LRFN2: variants seen among roughly 807,000 people sequenced by gnomAD.
LRFN2 encodes the protein leucine rich repeat and fibronectin type III domain containing 2.
In LRFN2, 18 loss-of-function variants were observed where a neutral mutation model predicts 37.3. The ratio of observed to expected loss-of-function variants is 0.48; its 90% CI spans 0.33 to 0.72. The LOEUF is 0.72. LRFN2 is among the 30% of genes least tolerant of loss of function. The pLI, the probability that LRFN2 is intolerant of heterozygous loss-of-function variation, is 0.02. For missense variants in LRFN2, 1,006 were observed against 1,060.7 expected (o/e 0.95, Z 0.72); for synonymous variants, 556 against 466.6 (o/e 1.19, Z -2.47).
intron 2 of LRFN2, among the ~76,000 whole-genome samples, chr6:40,405,867 C>T (rs1581681052): frequency 1.3e-5 from 2 of 152,178 alleles, no homozygotes; most frequent in South Asian, 2.1e-4. Context: ...ATCTCCCCAG[C>T]GTTAGGCCTT....
intron 1 of LRFN2, among the ~76,000 whole-genome samples, chr6:40,519,107 G>C (rs1330570025): frequency 6.6e-6 from 1 of 152,168 alleles, no homozygotes; most frequent in Non-Finnish European, 1.5e-5. Flanking sequence ...CACTACCTGA[G>C]CCAGACACTG....
At chr6:40,560,964 G>GCC (rs1264973508) in intron 1 of LRFN2, among the ~76,000 whole-genome samples, 2 of 152,290 alleles carry the variant, frequency 1.3e-5, no homozygotes, top group East Asian at 3.9e-4. Flanking sequence ...TCTGTAATTT[G>GCC]ATTCAGCAAA....
intron 1 of LRFN2, among the ~76,000 whole-genome samples, chr6:40,530,630 C>T (rs1766326361): frequency 6.6e-6 from 1 of 151,882 alleles, no homozygotes; most frequent in South Asian, 2.1e-4. Context: ...CCTGGTTCTC[C>T]CCAGGACCCG....
At chr6:40,464,602 T>C (rs1020726343) in intron 1 of LRFN2, among the ~76,000 whole-genome samples, 4 of 152,166 alleles carry the variant, frequency 2.6e-5, no homozygotes, top group South Asian at 2.1e-4. Flanking sequence ...GATGGCAGCA[T>C]AAAAGGACTA....
intron 1 of LRFN2, chr6:40,517,525 CAG>C (rs1765918162): frequency 6.6e-6 from 1 of 152,200 alleles, no homozygotes; most frequent in Non-Finnish European, 1.5e-5. Flanking sequence ...TGGACAAAGG[CAG>C]AGAAGTTCTT....
chr6:40,511,183 A>C (rs960495828), intron 1 of LRFN2, among the ~76,000 whole-genome samples: 1 of 152,122 alleles, frequency 6.6e-6, no homozygotes, highest in Non-Finnish European at 1.5e-5. Context: ...GGCCAAAAAT[A>C]ACATGTATGG....
At chr6:40,493,161 G>A (rs1191668451) in intron 1 of LRFN2, among the ~76,000 whole-genome samples, 2 of 152,118 alleles carry the variant, frequency 1.3e-5, no homozygotes, top group Admixed American at 1.3e-4. Flanking sequence ...TCTATGCACT[G>A]AGACCCGAGC....
intron 2 of LRFN2, among the ~76,000 whole-genome samples, chr6:40,399,115 T>A (rs555655692): frequency 6.6e-6 from 1 of 151,972 alleles, no homozygotes; most frequent in African/African-American, 2.4e-5. Flanking sequence ...CTTCTATTTT[T>A]TCGTCTCCAA....
intron 1 of LRFN2, among the ~76,000 whole-genome samples, chr6:40,526,417 A>G (rs2113906187): frequency 6.6e-6 from 1 of 152,294 alleles, no homozygotes; most frequent in South Asian, 2.1e-4. Context: ...CCCAGTTCTG[A>G]TCTGCCCTGT....
intron 1 of LRFN2, among the ~76,000 whole-genome samples, chr6:40,526,131 A>G (rs1766249246): frequency 6.6e-6 from 1 of 152,248 alleles, no homozygotes; most frequent in Admixed American, 6.5e-5. Flanking sequence ...AATCTCTGCA[A>G]CAAGAGTGCT....
At chr6:40,403,193 G>C (rs992321790) in intron 2 of LRFN2, among the ~76,000 whole-genome samples, 1 of 152,212 alleles carries the variant, frequency 6.6e-6, no homozygotes, top group Admixed American at 6.5e-5. Flanking sequence ...CATACTTGCT[G>C]TTTCTGGCCT....
chr6:40,402,912 A>G (rs1439826482), intron 2 of LRFN2, among the ~76,000 whole-genome samples: 1 of 152,184 alleles, frequency 6.6e-6, no homozygotes, highest in African/African-American at 2.4e-5. Context: ...AACCACGTGG[A>G]TATCCATGGG....
chr6:40,425,531 A>C (rs1342745924), intron 2 of LRFN2, among the ~76,000 whole-genome samples: 5 of 152,310 alleles, frequency 3.3e-5, no homozygotes, highest in Non-Finnish European at 5.9e-5. Flanking sequence ...GTGGCAGAGG[A>C]GGCTGCCTTT....
chr6:40,471,438 G>GC (rs1561869086), intron 1 of LRFN2, among the ~76,000 whole-genome samples: 1 of 152,080 alleles, frequency 6.6e-6, no homozygotes, highest in Non-Finnish European at 1.5e-5. Flanking sequence ...GTGTCACACC[G>GC]ACTGCTGAAA....
chr6:40,584,764 C>T (rs560035311), intron 1 of LRFN2, among the ~76,000 whole-genome samples: 3 of 152,220 alleles, frequency 2.0e-5, no homozygotes, highest in Admixed American at 2.0e-4. Context: ...CCTGCTCAAC[C>T]CCACAGGCTG....
intron 1 of LRFN2, among the ~76,000 whole-genome samples, chr6:40,494,840 G>A (rs1765186528): frequency 6.6e-6 from 1 of 152,184 alleles, no homozygotes; most frequent in Non-Finnish European, 1.5e-5. Context: ...CTTGTTCACT[G>A]TTGATGAAAC....
intron 1 of LRFN2, among the ~76,000 whole-genome samples, chr6:40,514,246 C>A (rs912682512): frequency 3.3e-5 from 5 of 152,066 alleles, no homozygotes; most frequent in African/African-American, 1.2e-4. Flanking sequence ...TGACCCCCCA[C>A]AACACAAACA....
At chr6:40,530,914 T>C (rs534150155) in intron 1 of LRFN2, among the ~76,000 whole-genome samples, 1 of 152,272 alleles carries the variant, frequency 6.6e-6, no homozygotes, top group African/African-American at 2.4e-5. Context: ...GTCAACACTG[T>C]TTGCCTGTCT....
At chr6:40,393,205 G>A (rs1762550925) in intron 2 of LRFN2, among the ~76,000 whole-genome samples, 1 of 151,670 alleles carries the variant, frequency 6.6e-6, no homozygotes. Context: ...GAGATGTGAG[G>A]AGGGAGACCC....
Sources: gnomAD v4.1 joint callset for allele counts (sites outside exome capture counted in the v4.1 genomes callset) on GRCh38, gnomAD v4.1.1 for gene constraint, MANE v1.5 for transcripts, NCBI Gene and HGNC (gene_info 2026-07-23, HGNC 2026-07-21) for gene names.